MYBL2: variants seen among roughly 807,000 people sequenced by gnomAD.
MYBL2 encodes the protein myb-related protein B.
MYBL2 carries 28 observed loss-of-function variants against 79.9 expected under a neutral mutation model. That is an observed-to-expected ratio of 0.35 (90% CI 0.26 to 0.48). The LOEUF (loss-of-function observed/expected upper bound fraction) is 0.48, where lower values mean the gene tolerates loss of function less well. Among genes scored for constraint, MYBL2 ranks in the 20% least tolerant of loss-of-function variants. MYBL2 has a pLI of 0.99. For synonymous variants in MYBL2, 378 were observed against 361.2 expected (o/e 1.05, Z -0.53); for missense variants, 735 against 893.9 (o/e 0.82, Z 2.27).
rs1442980614 is a variant in MYBL2, at chr20:43,713,012, G to C, written c.1730G>C (p.Ser577Thr). 1.2e-6 allele frequency: 2 copies of C among 1,611,122 alleles called. No individual in the cohort carries two copies. The highest frequency in any genetic ancestry group is 1.7e-6 in the Non-Finnish European group (2 of 1,178,632). The part of the protein sequence containing the change: ...KQKRKPGLRR[S>T]PIKKVRKSLA... ...TCTGCCAACCCCTAGCTGCGGCGGA[G>C]CCCCATCAAGAAAGTCCGGAAGTCT... is the stretch of plus-strand genomic sequence containing the variant. The change falls in exon 12 of 14, where the codon AGC (serine) becomes ACC (threonine). Residue 577 changes from serine to threonine, a missense_variant. Physicochemically the swap from Ser to Thr is moderately conservative, Grantham distance 58. Coordinates refer to ENST00000217026, the MANE Select transcript of MYBL2 (RefSeq NM_002466.4).
At chr20:43,668,011 T>TC (rs147365955) in intron 1 of MYBL2, among the ~76,000 whole-genome samples, 1,656 of 151,896 alleles carry the variant, frequency 0.011, 22 homozygotes, top group African/African-American at 0.03. Flanking sequence ...TTTACTTATT[T>TC]CCCCAGAGAC....
At chr20:43,687,193 C>T (rs149819891) in intron 5 of MYBL2, 121 bp downstream of exon 5, 14 of 1,034,464 alleles carry the variant, frequency 1.4e-5, no homozygotes, top group Admixed American at 7.1e-5. Context: ...CACCCAGCCT[C>T]GGCTCCAGGG....
intron 2 of MYBL2, among the ~76,000 whole-genome samples, chr20:43,674,966 A>G (rs1199851196): frequency 6.6e-6 from 1 of 152,190 alleles, no homozygotes; most frequent in African/African-American, 2.4e-5. Flanking sequence ...ATGTAATCAT[A>G]TGCAATCAAA....
At chr20:43,683,026 C>T (rs1987179863) in intron 4 of MYBL2, 140 bp downstream of exon 4, 1 of 759,184 alleles carries the variant, frequency 1.3e-6, no homozygotes, top group Non-Finnish European at 2.3e-6. Context: ...AGTCTGGACA[C>T]TCTTATGCTG....
intron 7 of MYBL2, 141 bp downstream of exon 7, chr20:43,700,185 A>C: frequency 8.8e-7 from 1 of 1,136,178 alleles, no homozygotes; most frequent in Non-Finnish European, 1.2e-6. Context: ...GCCCTGACCC[A>C]AGGGCTGGGG....
intron 11 of MYBL2, among the ~76,000 whole-genome samples, chr20:43,712,255 T>C (rs1002490346): frequency 6.6e-6 from 1 of 152,180 alleles, no homozygotes; most frequent in African/African-American, 2.4e-5. Flanking sequence ...TGCTCCTTTT[T>C]CCCAGACTGC....
At chr20:43,668,374 G>T (rs1346979048) in intron 1 of MYBL2, among the ~76,000 whole-genome samples, 1 of 151,758 alleles carries the variant, frequency 6.6e-6, no homozygotes, top group African/African-American at 2.4e-5. Context: ...CTAATTTTTT[G>T]TATGTTTAGT....
intron 6 of MYBL2, among the ~76,000 whole-genome samples, chr20:43,697,940 T>C (rs1987583275): frequency 1.3e-5 from 2 of 149,972 alleles, no homozygotes. Flanking sequence ...AAATTGCGTG[T>C]ATTTATGGTG....
At chr20:43,712,218 A>G (rs936849682) in intron 11 of MYBL2, among the ~76,000 whole-genome samples, 1 of 152,170 alleles carries the variant, frequency 6.6e-6, no homozygotes, top group Non-Finnish European at 1.5e-5. Context: ...CTTTCATGAC[A>G]GTGCGCGATC....
intron 1 of MYBL2, among the ~76,000 whole-genome samples, chr20:43,667,656 G>A (rs1356794521): frequency 6.6e-6 from 1 of 152,190 alleles, no homozygotes; most frequent in African/African-American, 2.4e-5. Flanking sequence ...GCCTTCGCCG[G>A]CGAGGGAGGC....
At chr20:43,671,238 C>CTGGTTCAAGCAGTTTT (rs1986847085) in intron 1 of MYBL2, among the ~76,000 whole-genome samples, 1 of 152,048 alleles carries the variant, frequency 6.6e-6, no homozygotes, top group African/African-American at 2.4e-5. Flanking sequence ...TCACTGCAAC[C>CTGGTTCAAGCAGTTTT]TCCGCCTCCT....
At chr20:43,670,757 A>G (rs950133657) in intron 1 of MYBL2, among the ~76,000 whole-genome samples, 5 of 152,202 alleles carry the variant, frequency 3.3e-5, no homozygotes, top group Non-Finnish European at 7.3e-5. Context: ...TGGATAGCAC[A>G]GTAAGCCTTC....
intron 12 of MYBL2, among the ~76,000 whole-genome samples, chr20:43,713,413 A>G (rs6017150): frequency 0.059 from 8,707 of 148,820 alleles, 772 homozygotes; most frequent in African/African-American, 0.19. Flanking sequence ...TTGAATTGGA[A>G]TTTCGCTCTT....
chr20:43,700,793 T>A (rs971281313), intron 7 of MYBL2, among the ~76,000 whole-genome samples: 44 of 152,154 alleles, frequency 2.9e-4, no homozygotes, highest in African/African-American at 9.4e-4. Flanking sequence ...TAGGTGAAAC[T>A]GAGGCTCAGA....
intron 6 of MYBL2, among the ~76,000 whole-genome samples, chr20:43,698,141 AGTAAC>A (rs1987592585): frequency 7.0e-6 from 1 of 142,626 alleles, no homozygotes; most frequent in Non-Finnish European, 1.5e-5. Flanking sequence ...TTTATCATGT[AGTAAC>A]TATTTTTTCC....
At chr20:43,667,396 C>G in intron 1 of MYBL2, 93 bp downstream of exon 1, 1 of 934,018 alleles carries the variant, frequency 1.1e-6, no homozygotes, top group Non-Finnish European at 1.4e-6. Flanking sequence ...AGGCTCCCAC[C>G]AAGCTGGGGT....
At chr20:43,668,759 C>A (rs1265392516) in intron 1 of MYBL2, among the ~76,000 whole-genome samples, 1 of 148,770 alleles carries the variant, frequency 6.7e-6, no homozygotes, top group African/African-American at 2.5e-5. Flanking sequence ...GCTGTCATAG[C>A]TCACTGTAGC....
rs1359049937 is a variant in MYBL2 at position 43,715,942 on chromosome 20, C to T, written c.1975-17C>T. On this transcript the variant is annotated splice_polypyrimidine_tract_variant and intron_variant, in intron 13 of 13. Transcript: ENST00000217026. ...CATAGTCCCTGCCTGGATGGTAACC[C>T]TCTTGCCTCCTCCCAGATGTCCAGT... The T allele has an allele frequency of 1.2e-6, 2 of 1,605,702 alleles. No homozygotes were observed. The highest frequency in any genetic ancestry group is 1.7e-6 in the Non-Finnish European group (2 of 1,177,468).
At chr20:43,690,635 A>T (rs961951047) in intron 5 of MYBL2, among the ~76,000 whole-genome samples, 6 of 152,116 alleles carry the variant, frequency 3.9e-5, no homozygotes, top group African/African-American at 1.4e-4. Flanking sequence ...TGATCCGAGG[A>T]TATTCTCTTA....
Sources: gnomAD v4.1 joint callset for allele counts (sites outside exome capture counted in the v4.1 genomes callset) on GRCh38, gnomAD v4.1.1 for gene constraint, MANE v1.5 for transcripts, NCBI Gene and HGNC (gene_info 2026-07-23, HGNC 2026-07-21) for gene names.